The following ASTN2 variants were observed in gnomAD, a reference collection of about 807,000 sequenced individuals.
ASTN2 encodes astrotactin 2.
ASTN2 carries 54 observed loss-of-function variants against 139.8 expected under a neutral mutation model. That is an observed-to-expected ratio of 0.39 (90% CI 0.31 to 0.48). ASTN2 has a LOEUF of 0.48. Ranked by LOEUF, ASTN2 falls within the 20% of genes least tolerant of loss-of-function variation. The probability of loss-of-function intolerance (pLI) is 0.95; values close to 1 mark genes in which losing one functional copy is unlikely to be tolerated. For missense variants in ASTN2, 1,565 were observed against 1,725.1 expected (o/e 0.91, Z 1.64); for synonymous variants, 756 against 719.5 (o/e 1.05, Z -0.81).
At chr9:116,475,485 C>A (rs1175437379) in intron 20 of ASTN2, among the ~76,000 whole-genome samples, 1 of 152,128 alleles carries the variant, frequency 6.6e-6, no homozygotes, top group Non-Finnish European at 1.5e-5. Context: ...CTGTAGTGAT[C>A]CAAAATCAAT....
chr9:117,399,378 T>C (rs1489511679), intron 1 of ASTN2, among the ~76,000 whole-genome samples: 1 of 152,178 alleles, frequency 6.6e-6, no homozygotes, highest in Non-Finnish European at 1.5e-5. Context: ...TTTTAAAATA[T>C]ATAATATTAA....
intron 3 of ASTN2, among the ~76,000 whole-genome samples, chr9:117,154,242 G>A (rs1185308612): frequency 6.6e-6 from 1 of 151,968 alleles, no homozygotes; most frequent in African/African-American, 2.4e-5. Context: ...AGGCTAAGTT[G>A]GCGTTACTAT....
At position 116,976,109 on chromosome 9, in the gene ASTN2, C is replaced by A. The variant is rs776346767; in HGVS notation, c.1751+5G>T. ...AATTATGCCCCAACAAGAAAGCCAA[C>A]TCACCTGAGAATCTTTTCAGGGGCT... On this transcript the variant is annotated splice_donor_5th_base_variant and intron_variant, in intron 9 of 22. Coordinates refer to ENST00000313400, the MANE Select transcript of ASTN2 (RefSeq NM_001365068.1). The A allele has an allele frequency of 1.9e-6, 3 of 1,614,092 alleles. No homozygotes were observed. The highest frequency in any genetic ancestry group is 2.2e-5 in the East Asian group (1 of 44,874).
intron 1 of ASTN2, among the ~76,000 whole-genome samples, chr9:117,408,574 C>T (rs1831073330): frequency 6.6e-6 from 1 of 152,156 alleles, no homozygotes; most frequent in South Asian, 2.1e-4. Context: ...GCCTTGCCAG[C>T]CAAAGGCCTA....
chr9:116,929,247 G>C (rs1177646388), intron 10 of ASTN2, among the ~76,000 whole-genome samples: 1 of 152,206 alleles, frequency 6.6e-6, no homozygotes, highest in Non-Finnish European at 1.5e-5. Flanking sequence ...CATGAGAAGA[G>C]GCGGAAGTGT....
At chr9:116,620,213 C>T in intron 18 of ASTN2, 97 bp downstream of exon 18, 1 of 1,570,504 alleles carries the variant, frequency 6.4e-7, no homozygotes, top group Non-Finnish European at 8.7e-7. Flanking sequence ...TGTTAGGCAC[C>T]TTGGGAGCAG....
chr9:116,694,414 A>ATTTAGAAT (rs1860728275), intron 16 of ASTN2, among the ~76,000 whole-genome samples: 1 of 148,318 alleles, frequency 6.7e-6, no homozygotes, highest in Non-Finnish European at 1.5e-5. Context: ...GTAGCTATTG[A>ATTTAGAAT]TTTAGAATTG....
At chr9:116,964,220 T>G (rs73655563) in intron 10 of ASTN2, among the ~76,000 whole-genome samples, 96 of 99,160 alleles carry the variant, frequency 9.7e-4, no homozygotes, top group African/African-American at 4.5e-3. Context: ...CCCTGGGGTG[T>G]GTGTGTGTGT....
intron 2 of ASTN2, among the ~76,000 whole-genome samples, chr9:117,280,702 T>G (rs1834304286): frequency 6.6e-6 from 1 of 152,192 alleles, no homozygotes; most frequent in Admixed American, 6.5e-5. Flanking sequence ...AAATTTCTGT[T>G]GTCTTAAGCT....
Position 117,414,578 on chromosome 9 carries a change from G to A in ASTN2, c.361C>T (p.Leu121Phe), listed in dbSNP as rs1275744200. Residue 121 changes from leucine to phenylalanine, a missense_variant, in exon 1 of 23, where the codon CTC (leucine) becomes TTC (phenylalanine). Around this residue, in one of 4 missense-constraint regions of ASTN2, gnomAD observed 596 missense variants for 576.8 expected, o/e 1.03. Coordinates refer to ENST00000313400, the MANE Select transcript of ASTN2 (RefSeq NM_001365068.1). This position sits in a 1 kb window ranked among gnomAD's most constrained non-coding sequence, Gnocchi z 4.2. ...CCCGGCAGCTCGTTACGCACAAAGA[G>A]CAGGAGGCGCGACTCGGCGGCGGTG... ...AGTAAESRLL[L>F]FVRNELPGRI... is the part of the protein sequence containing the mutation. 1 of 1,587,220 alleles carries A rather than the reference G, an allele frequency of 6.3e-7. No individual in the cohort carries two copies. Among genetic ancestry groups the A allele is most frequent in the Non-Finnish European group, 8.6e-7 (1 of 1,168,732 alleles).
intron 19 of ASTN2, among the ~76,000 whole-genome samples, chr9:116,562,449 T>A (rs777461518): frequency 2.2e-4 from 34 of 152,010 alleles, no homozygotes; most frequent in Middle Eastern, 3.4e-3. Context: ...TAAAGCATGC[T>A]TCTTGGGCTG....
At chr9:117,146,544 GA>G (rs1450448636) in intron 3 of ASTN2, among the ~76,000 whole-genome samples, 3 of 151,324 alleles carry the variant, frequency 2.0e-5, no homozygotes, top group African/African-American at 7.3e-5. Flanking sequence ...AGACAAGAAA[GA>G]GGGGGTCTAA....
At chr9:116,817,150 TG>T (rs1564284006) in intron 12 of ASTN2, among the ~76,000 whole-genome samples, 5 of 151,792 alleles carry the variant, frequency 3.3e-5, no homozygotes. Flanking sequence ...AAAAATTAGC[TG>T]GGTGTGGTGG....
chr9:116,738,184 T>C, intron 13 of ASTN2, among the ~76,000 whole-genome samples: 1 of 122,218 alleles, frequency 8.2e-6, no homozygotes. Flanking sequence ...AGAGCGAGAC[T>C]CCGTCTCAAA....
chr9:116,779,390 C>T (rs4837854), intron 13 of ASTN2, among the ~76,000 whole-genome samples: 1 of 152,008 alleles, frequency 6.6e-6, no homozygotes, highest in East Asian at 1.9e-4. Flanking sequence ...GAAAAGAGAC[C>T]AAGCCCCTCA....
intron 11 of ASTN2, among the ~76,000 whole-genome samples, chr9:116,832,949 T>TTTATTTATTTATTTATTTAC (rs1470983533): frequency 6.6e-6 from 1 of 151,798 alleles, no homozygotes; most frequent in East Asian, 1.9e-4. Context: ...GTTTTATTTA[T>TTTATTTATTTATTTATTTAC]TTATTTATTT....
chr9:116,927,236 C>T (rs1564344361), intron 10 of ASTN2, among the ~76,000 whole-genome samples: 1 of 152,128 alleles, frequency 6.6e-6, no homozygotes, highest in Non-Finnish European at 1.5e-5. Flanking sequence ...CTCATCAGAA[C>T]CTCTCCCTAG....
intron 6 of ASTN2, among the ~76,000 whole-genome samples, chr9:117,027,420 T>G (rs1453834762): frequency 2.0e-5 from 3 of 152,168 alleles, no homozygotes. Flanking sequence ...CTGCTCTTCC[T>G]GGGTAAACCC....
At chr9:116,632,571 C>T (rs548245597) in intron 17 of ASTN2, among the ~76,000 whole-genome samples, 24 of 152,320 alleles carry the variant, frequency 1.6e-4, no homozygotes, top group Admixed American at 4.6e-4. Context: ...TATCCCACCG[C>T]CATAGCCTGT....
Sources: gnomAD v4.1 joint callset for allele counts (sites outside exome capture counted in the v4.1 genomes callset) on GRCh38, gnomAD v4.1.1 for gene constraint, gnomAD v4.1.1 regional missense constraint, Gnocchi (gnomAD v3.1) non-coding constraint, MANE v1.5 for transcripts, NCBI Gene and HGNC (gene_info 2026-07-23, HGNC 2026-07-21) for gene names.